SAMSN1: variants seen among roughly 807,000 people sequenced by gnomAD.
SAMSN1 encodes the protein SAM domain, SH3 domain and nuclear localization signals 1.
A neutral mutation model predicts 42.0 loss-of-function variants in SAMSN1; 31 were observed. The observed-to-expected ratio is 0.74, with a 90% CI of 0.55 to 1.00. The LOEUF (loss-of-function observed/expected upper bound fraction) is 1.00, where lower values mean the gene tolerates loss of function less well. Ranked by LOEUF, SAMSN1 falls within the 50% of genes least tolerant of loss-of-function variation. The pLI is 0.00. For missense variants in SAMSN1, 464 were observed against 439.4 expected (o/e 1.06, Z -0.50); for synonymous variants, 178 against 151.9 (o/e 1.17, Z -1.26).
At chr21:14,545,520 T>G (rs1473725534) in intron 1 of SAMSN1, among the ~76,000 whole-genome samples, 1 of 141,930 alleles carries the variant, frequency 7.0e-6, no homozygotes, top group African/African-American at 2.6e-5. Context: ...GAATTTGAAC[T>G]TTATCCCATG....
intron 1 of SAMSN1, among the ~76,000 whole-genome samples, chr21:14,541,242 G>C (rs1246728035): frequency 6.6e-6 from 1 of 151,392 alleles, no homozygotes; most frequent in East Asian, 1.9e-4. Context: ...TAACAAACCT[G>C]CACATGTACC....
intron 1 of SAMSN1, among the ~76,000 whole-genome samples, chr21:14,650,811 CAAAT>C (rs972217582): frequency 4.0e-5 from 6 of 151,388 alleles, no homozygotes; most frequent in African/African-American, 1.2e-4. Context: ...AGATAAAGCC[CAAAT>C]AAATAAAATC....
chr21:14,528,608 G>A (rs1008422186), intron 1 of SAMSN1, among the ~76,000 whole-genome samples: 3 of 152,194 alleles, frequency 2.0e-5, no homozygotes, highest in African/African-American at 7.2e-5. Flanking sequence ...AATGTAAAAT[G>A]TAACACACCA....
Position 14,565,513 on chromosome 21 carries a change from T to A in SAMSN1, c.261+16623A>T, listed in dbSNP as rs1473121865. Among the ~76,000 whole-genome samples the A allele has an allele frequency of 5.9e-5, 9 of 152,166 alleles. No individual in the cohort carries two copies. The East Asian group carries it at 1.7e-3, about 29-fold the overall frequency. The stretch of plus-strand genomic sequence containing the variant: ...TACAATTGCCTTGCTGGTTTTGTGA[T>A]GCAGCTTTCTGAAATATGTATTTGT... On this transcript the variant is annotated intron_variant, in intron 2 of 8. Coordinates refer to the SAMSN1 transcript ENST00000285670.
At chr21:14,598,406 G>A (rs957734571) in intron 6 of SAMSN1, 2 of 152,090 alleles carry the variant, frequency 1.3e-5, no homozygotes, top group African/African-American at 4.8e-5. Context: ...GAACAAACAA[G>A]AACAAGAATG....
intron 2 of SAMSN1, among the ~76,000 whole-genome samples, chr21:14,558,271 AC>A (rs1980825974): frequency 6.6e-6 from 1 of 152,030 alleles, no homozygotes. Context: ...CAGAATCCGT[AC>A]CCCTCAAAAC....
chr21:14,603,271 A>G (rs1982482783), intron 5 of SAMSN1, among the ~76,000 whole-genome samples: 1 of 152,130 alleles, frequency 6.6e-6, no homozygotes, highest in Non-Finnish European at 1.5e-5. Flanking sequence ...GCATTCTTCT[A>G]GGTGTAGAAA....
At chr21:14,600,159 G>A (rs1402826022) in intron 6 of SAMSN1, among the ~76,000 whole-genome samples, 1 of 152,124 alleles carries the variant, frequency 6.6e-6, no homozygotes, top group Admixed American at 6.6e-5. Context: ...CAAGTTTCAT[G>A]CCATAGTCCA....
At chr21:14,634,637 T>C (rs1474039643) in intron 2 of SAMSN1, among the ~76,000 whole-genome samples, 1 of 152,092 alleles carries the variant, frequency 6.6e-6, no homozygotes, top group African/African-American at 2.4e-5. Context: ...ACCAGTCAGA[T>C]GGTGATTATT....
chr21:14,541,467 T>C (rs550640361), intron 1 of SAMSN1, among the ~76,000 whole-genome samples: 4 of 152,346 alleles, frequency 2.6e-5, no homozygotes, highest in African/African-American at 9.6e-5. Flanking sequence ...CCACACAAAT[T>C]CATAAACTTT....
rs1272252251 is a variant in SAMSN1 at position 14,577,276 on chromosome 21, ATATATATAT to A, written c.261+4851_261+4859del. On this transcript the variant is annotated intron_variant, in intron 2 of 8. Coordinates refer to the SAMSN1 transcript ENST00000285670. ...TATATATATATATATATATATATATATATATATATTTTTTTTTTAGAAGAGACAGGGTTT... is the reference window on the plus strand; with the variant it reads ...TATATATATATATATATATATATATATTTTTTTTTAGAAGAGACAGGGTTT... Among the ~76,000 whole-genome samples, 15 of 50,308 alleles carry A rather than the reference ATATATATAT, an allele frequency of 3.0e-4. 1 individual carries two copies. The highest frequency in any genetic ancestry group is 1.2e-3 in the African/African-American group (10 of 8,052). The allele number at this position is 50,308 out of a possible 152,430, so 33.0% of individuals were successfully genotyped here. A position where few individuals can be genotyped will look rare whatever the true frequency, so the allele number is the denominator to read the frequency against.
chr21:14,582,820 A>G (rs1600944453), intron 1 of SAMSN1, among the ~76,000 whole-genome samples: 1 of 151,536 alleles, frequency 6.6e-6, no homozygotes, highest in East Asian at 1.9e-4. Context: ...CCCACCTCTT[A>G]TGTTTCTATT....
At chr21:14,532,544 A>G (rs188332245) in intron 1 of SAMSN1, among the ~76,000 whole-genome samples, 3 of 152,216 alleles carry the variant, frequency 2.0e-5, no homozygotes, top group African/African-American at 4.8e-5. Context: ...GAATACTTCA[A>G]TCTCCTGAGG....
chr21:14,626,265 C>A (rs548552606), intron 2 of SAMSN1, among the ~76,000 whole-genome samples: 1 of 152,212 alleles, frequency 6.6e-6, no homozygotes, highest in African/African-American at 2.4e-5. Context: ...CAACAAAAGC[C>A]AAAATTGACA....
chr21:14,610,682 A>ATTTTT (rs1313650514), intron 4 of SAMSN1, among the ~76,000 whole-genome samples: 1 of 151,928 alleles, frequency 6.6e-6, no homozygotes, highest in Non-Finnish European at 1.5e-5. Flanking sequence ...CTTTCCCTTT[A>ATTTTT]TTTGTCAGAC....
In SAMSN1 at chr21:14,517,251, C is replaced by T. The variant is rs540076218; in HGVS notation, c.130-210G>A. On this transcript the variant is annotated intron_variant, in intron 2 of 7. Transcript: ENST00000400566. The stretch of plus-strand genomic sequence containing the variant: ...TGTTACGAACTCAGAAAGTAAAATT[C>T]GTGATGTTAAAGGACTTGAGCCTCA... Among the ~76,000 whole-genome samples the T allele has an allele frequency of 1.2e-4, 18 of 152,272 alleles. No homozygotes were observed. In the South Asian group the frequency reaches 3.3e-3, roughly 28 times the overall value.
chr21:14,652,972 A>T (rs1016756411), intron 1 of SAMSN1, among the ~76,000 whole-genome samples: 1 of 152,132 alleles, frequency 6.6e-6, no homozygotes, highest in Non-Finnish European at 1.5e-5. Flanking sequence ...ATGCAAATCA[A>T]AACTACAATG....
chr21:14,539,990 A>G (rs1241675172), intron 1 of SAMSN1, among the ~76,000 whole-genome samples: 2 of 152,204 alleles, frequency 1.3e-5, no homozygotes, highest in African/African-American at 2.4e-5. Context: ...ATAATGCCAC[A>G]TATCTACAAC....
upstream of SAMSN1, among the ~76,000 whole-genome samples, chr21:14,550,807 AG>A (rs1980568933): frequency 2.0e-5 from 3 of 150,492 alleles, no homozygotes; most frequent in Non-Finnish European, 4.4e-5. Context: ...AGGAAAAGAG[AG>A]CTTAGTGAGC....
Sources: gnomAD v4.1 joint callset for allele counts (sites outside exome capture counted in the v4.1 genomes callset) on GRCh38, gnomAD v4.1.1 for gene constraint, MANE v1.5 for transcripts, NCBI Gene and HGNC (gene_info 2026-07-23, HGNC 2026-07-21) for gene names.